Variants in PTPN13 observed in about 807,000 individuals in gnomAD.
PTPN13 encodes the protein protein tyrosine phosphatase non-receptor type 13, also known as tyrosine-protein phosphatase non-receptor type 13.
Under a neutral mutation model 284.0 loss-of-function variants are expected in PTPN13, and 191 were observed. That is an observed-to-expected ratio of 0.67 (90% confidence interval 0.60 to 0.76). PTPN13 has a LOEUF of 0.76. Among genes scored for constraint, PTPN13 ranks in the 30% least tolerant of loss-of-function variants. The pLI, the probability that PTPN13 is intolerant of heterozygous loss-of-function variation, is 0.00. For missense variants in PTPN13, 2,797 were observed against 2,939.9 expected, an observed-to-expected ratio of 0.95 and a Z score of 1.12; for synonymous variants, 986 against 1,022.3, an observed-to-expected ratio of 0.96 and a Z score of 0.68.
chr4:86,715,118 G>A (rs1565394954), intron 7 of PTPN13, among the ~76,000 whole-genome samples: 1 of 152,172 alleles, frequency 6.6e-6, no homozygotes, highest in South Asian at 2.1e-4. Context: ...TGCAAATTTA[G>A]TAACACAGGT....
rs964303497 is a variant in PTPN13 at position 86,801,406 on chromosome 4, A to AT, written c.6505+2208dup. ...AGTAGTAACAGAATTAAATTTGATA[A>AT]TTTTTTGTAATGAGTTCCTGAGGTT... On this transcript the variant is annotated intron_variant, in intron 42 of 47. Coordinates refer to ENST00000411767, the MANE Select transcript of PTPN13 (RefSeq NM_080683.3). 5.9e-5 allele frequency among the ~76,000 whole-genome samples: 9 copies of AT among 152,180 alleles called. No homozygotes were observed. The East Asian group carries it at 1.7e-3, about 29-fold the overall frequency.
At chr4:86,599,801 AG>A (rs528930940) in intron 1 of PTPN13, among the ~76,000 whole-genome samples, 151 of 152,176 alleles carry the variant, frequency 9.9e-4, no homozygotes, top group African/African-American at 3.5e-3. Context: ...ACCTAGTTAA[AG>A]GTTTTTCTTT....
chr4:86,813,693 C>T (rs1351009966), intron 47 of PTPN13, among the ~76,000 whole-genome samples: 1 of 152,168 alleles, frequency 6.6e-6, no homozygotes, highest in East Asian at 1.9e-4. Context: ...TCTGAGATTA[C>T]AGGCATGAAC....
At chr4:86,624,502 C>T (rs1721611530) in intron 1 of PTPN13, among the ~76,000 whole-genome samples, 1 of 152,100 alleles carries the variant, frequency 6.6e-6, no homozygotes, top group African/African-American at 2.4e-5. Context: ...TCAAAATAGC[C>T]CTTTGTTGAA....
intron 10 of PTPN13, among the ~76,000 whole-genome samples, chr4:86,730,104 G>A (rs1370088410): frequency 1.3e-5 from 2 of 149,680 alleles, no homozygotes; most frequent in Non-Finnish European, 3.0e-5. Context: ...GTCTGTTGGA[G>A]TTTGCTGGAG....
At chr4:86,629,363 G>A (rs926929143) in intron 1 of PTPN13, among the ~76,000 whole-genome samples, 39 of 148,300 alleles carry the variant, frequency 2.6e-4, no homozygotes, top group African/African-American at 9.5e-4. Flanking sequence ...ATCATCACTG[G>A]CCATCAGAGA....
At chr4:86,699,887 C>T (rs2149001039) in intron 6 of PTPN13, among the ~76,000 whole-genome samples, 1 of 152,210 alleles carries the variant, frequency 6.6e-6, no homozygotes, top group Admixed American at 6.5e-5. Context: ...GTAACACAGA[C>T]ATATGTTTAT....
chr4:86,694,855 C>A (rs916551726), intron 6 of PTPN13, among the ~76,000 whole-genome samples: 2 of 152,030 alleles, frequency 1.3e-5, no homozygotes, highest in Admixed American at 6.6e-5. Flanking sequence ...TAAATATATT[C>A]TAACAAAATA....
intron 10 of PTPN13, 47 bp from the exon 11 acceptor site, chr4:86,732,353 C>A: frequency 7.2e-7 from 1 of 1,396,138 alleles, no homozygotes; most frequent in Non-Finnish European, 9.7e-7. Context: ...AAGGAAAAAA[C>A]TAGAATAAAT....
chr4:86,800,710 G>A lies in PTPN13; in HGVS notation c.6505+1506G>A, dbSNP rs573286756. 2.6e-5 allele frequency among the ~76,000 whole-genome samples: 4 copies of A among 151,966 alleles called. No individual in the cohort carries two copies. In the South Asian group the frequency reaches 8.3e-4, roughly 32 times the overall value. The stretch of plus-strand genomic sequence containing the variant: ...AGGAGAGAAGGGAAGAAAGCAGGGA[G>A]GGAGGGAGGGAGGAAGGAAGGAAGG... On this transcript the variant is annotated intron_variant, in intron 42 of 47. Coordinates refer to ENST00000411767, the MANE Select transcript of PTPN13 (RefSeq NM_080683.3).
intron 44 of PTPN13, 90 bp from the exon 45 acceptor site, chr4:86,807,470 T>C (rs1744775146): frequency 3.1e-6 from 3 of 968,186 alleles, no homozygotes; most frequent in Non-Finnish European, 4.7e-6. Context: ...CTATGAGAAT[T>C]TCTCATGATC....
chr4:86,765,005 T>G (rs62305596), intron 25 of PTPN13, among the ~76,000 whole-genome samples: 3,480 of 152,316 alleles, frequency 0.023, 56 homozygotes, highest in Non-Finnish European at 0.033. Context: ...AATGTAATGC[T>G]TTGTAGATAT....
intron 40 of PTPN13, among the ~76,000 whole-genome samples, chr4:86,795,454 G>A (rs1003509136): frequency 6.6e-6 from 1 of 152,190 alleles, no homozygotes; most frequent in African/African-American, 2.4e-5. Context: ...GTGTAAAGTA[G>A]TTCAACCTTT....
At chr4:86,754,860 G>A (rs1737790859) in intron 20 of PTPN13, among the ~76,000 whole-genome samples, 1 of 151,946 alleles carries the variant, frequency 6.6e-6, no homozygotes, top group Non-Finnish European at 1.5e-5. Context: ...TGGACAGTAG[G>A]GCCAATCCAC....
At chr4:86,605,552 G>C (rs968888535) in intron 1 of PTPN13, among the ~76,000 whole-genome samples, 2 of 151,796 alleles carry the variant, frequency 1.3e-5, no homozygotes, top group African/African-American at 4.8e-5. Flanking sequence ...TTTAGTCAGG[G>C]GGAAACAACT....
rs777874628 is a variant in PTPN13, at chr4:86,772,854, T to G, written c.5245T>G (p.Ser1749Ala). ...CCAATCAGAATCTGCTTCCTCTAGTTCGATGGATAAGTATCATATACATCA... is the reference window on the plus strand; with the variant it reads ...CCAATCAGAATCTGCTTCCTCTAGTGCGATGGATAAGTATCATATACATCA... ...QPQSESASSS[S>A]MDKYHIHHIS... Residue 1749 changes from serine (S) to alanine (A), a missense_variant, in exon 32 of 48, where the codon TCG becomes GCG. Coordinates refer to ENST00000411767, the MANE Select transcript of PTPN13 (RefSeq NM_080683.3). 6.2e-7 allele frequency: 1 copy of G among 1,613,312 alleles called. No individual in the cohort carries two copies. Among genetic ancestry groups the G allele is most frequent in the African/African-American group, 1.3e-5 (1 of 75,016 alleles).
Position 86,765,382 on chromosome 4 carries a change from T to C in PTPN13, c.4150-13T>C. 6.4e-7 allele frequency: 1 copy of C among 1,570,828 alleles called. No homozygotes were observed. The highest frequency in any genetic ancestry group is 8.6e-7 in the Non-Finnish European group (1 of 1,156,302). ...TCATGTTATAAAATATTATTTTGTCTTTTTCTCTTTAGGGAGGTGTGAATA... is the reference window on the plus strand; with the variant it reads ...TCATGTTATAAAATATTATTTTGTCCTTTTCTCTTTAGGGAGGTGTGAATA... On this transcript the variant is annotated splice_polypyrimidine_tract_variant and intron_variant, in intron 25 of 47. Transcript: ENST00000411767.
chr4:86,614,834 T>G (rs1347701034), intron 1 of PTPN13, among the ~76,000 whole-genome samples: 2 of 152,126 alleles, frequency 1.3e-5, no homozygotes, highest in African/African-American at 4.8e-5. Flanking sequence ...AAATGCCCTT[T>G]GTAAACCTCA....
At chr4:86,814,348 A>G in intron 47 of PTPN13, 108 bp from the exon 48 acceptor site, 2 of 773,948 alleles carry the variant, frequency 2.6e-6, no homozygotes, top group Non-Finnish European at 3.9e-6. Flanking sequence ...AAATTTTTCC[A>G]TATTTTCAAA....
Sources: allele counts gnomAD v4.1 joint callset (sites outside exome capture counted in the v4.1 genomes callset), GRCh38; gene constraint gnomAD v4.1.1; transcripts MANE v1.5; gene names NCBI Gene and HGNC (gene_info 2026-07-23, HGNC 2026-07-21).